COL18A1: variants seen among roughly 807,000 people sequenced by gnomAD.
COL18A1 encodes collagen alpha-1(XVIII) chain.
Under a neutral mutation model 168.0 loss-of-function variants are expected in COL18A1, and 133 were observed. The observed-to-expected ratio is 0.79, with a 90% CI of 0.69 to 0.91. COL18A1 has a LOEUF of 0.91. Among genes scored for constraint, COL18A1 ranks in the 40% least tolerant of loss-of-function variants. The pLI is 0.00. For missense variants in COL18A1, 2,126 were observed against 1,925.4 expected (o/e 1.10, Z -1.95); for synonymous variants, 949 against 809.0 (o/e 1.17, Z -2.94).
intron 2 of COL18A1, among the ~76,000 whole-genome samples, chr21:45,440,631 C>A (rs980009261): frequency 6.6e-6 from 1 of 151,016 alleles, no homozygotes; most frequent in African/African-American, 2.4e-5. Context: ...CCACGTTCCC[C>A]GGAAGCAGCT....
chr21:45,432,458 G>A (rs2033989493), intron 2 of COL18A1, among the ~76,000 whole-genome samples: 1 of 152,228 alleles, frequency 6.6e-6, no homozygotes, highest in South Asian at 2.1e-4. Context: ...GGGATGGACT[G>A]GGGTGCTCAG....
At chr21:45,440,011 A>C (rs2034326250) in intron 2 of COL18A1, among the ~76,000 whole-genome samples, 2 of 152,222 alleles carry the variant, frequency 1.3e-5, no homozygotes, top group South Asian at 4.1e-4. Flanking sequence ...CTGTGGGGCC[A>C]GCACCCAGAA....
chr21:45,420,322 G>T (rs2033581203), intron 2 of COL18A1: 1 of 152,298 alleles, frequency 6.6e-6, no homozygotes, highest in Non-Finnish European at 1.5e-5. Flanking sequence ...CACCAGCCTG[G>T]CAGGACGGGC....
chr21:45,511,151 G>A lies in COL18A1; in HGVS notation c.3734G>A (p.Gly1245Asp). 6.3e-7 allele frequency: 1 copy of A among 1,598,198 alleles called. No homozygotes were observed. The change falls in exon 41 of 42, where the codon GGC (glycine) becomes GAC (aspartate). Residue 1245 changes from glycine to aspartate, a missense_variant. Coordinates refer to ENST00000651438, the MANE Select transcript of COL18A1 (RefSeq NM_001379500.1). ...CCCAGCTGGGAGGCTCTGTTCTCAGGCTCTGAGGGTCCGCTGAAGCCCGGG... is the reference window on the plus strand; with the variant it reads ...CCCAGCTGGGAGGCTCTGTTCTCAGACTCTGAGGGTCCGCTGAAGCCCGGG... ...LFPSWEALFS[G>D]SEGPLKPGAR...
chr21:45,510,469 C>A (rs1033170458), intron 40 of COL18A1, among the ~76,000 whole-genome samples: 1 of 152,180 alleles, frequency 6.6e-6, no homozygotes, highest in African/African-American at 2.4e-5. Flanking sequence ...GGCACTGCCA[C>A]GTCCCCCAGG....
rs766576582 is a variant in COL18A1, at chr21:45,471,859, G to A, written c.652-2036G>A. 2.0e-5 allele frequency among the ~76,000 whole-genome samples: 3 copies of A among 152,228 alleles called. No homozygotes were observed. Among genetic ancestry groups the A allele is most frequent in the Non-Finnish European group, 1.5e-5 (1 of 68,014 alleles). ...TGTGAGCTCTGTTTCAGGTGTCTCC[G>A]GATTTCATAACTTTCAGTCCGAAGT... On this transcript the variant is annotated intron_variant, in intron 3 of 41. Coordinates refer to ENST00000651438, the MANE Select transcript of COL18A1 (RefSeq NM_001379500.1). This position sits in a 1 kb window ranked among gnomAD's most constrained non-coding sequence, Gnocchi z 4.4.
chr21:45,466,551 C>T (rs1221293772), intron 2 of COL18A1, among the ~76,000 whole-genome samples: 1 of 152,218 alleles, frequency 6.6e-6, no homozygotes, highest in African/African-American at 2.4e-5. Context: ...TCCAGGACAT[C>T]TGAGACAGCT....
At position 45,498,268 on chromosome 21, in the gene COL18A1, C is replaced by T; in HGVS notation, c.2683+607C>T. ...CAGAGCAGAAGCCCAGAGAGCCAGG[C>T]TAGCCTCGGGCGCCTTTCACCACCA... On this transcript the variant is annotated intron_variant, in intron 32 of 41. Coordinates refer to ENST00000651438, the MANE Select transcript of COL18A1 (RefSeq NM_001379500.1). The surrounding 1 kb of genome is among the most constrained non-coding windows in gnomAD (Gnocchi z 4.5). 1 of 706,546 alleles carries T rather than the reference C, an allele frequency of 1.4e-6. No homozygotes were observed. Among genetic ancestry groups the T allele is most frequent in the Non-Finnish European group, 2.6e-6 (1 of 384,714 alleles). The allele number at this position is 706,546 out of a possible 1,614,324, so 43.8% of individuals were successfully genotyped here.
chr21:45,510,393 C>T (rs9983050), intron 40 of COL18A1, 132 bp downstream of exon 40: 52 of 1,063,906 alleles, frequency 4.9e-5, no homozygotes, highest in Non-Finnish European at 6.6e-5. Flanking sequence ...CCTAGGCTGG[C>T]GACTTCAGGG....
At chr21:45,455,442 G>C in intron 2 of COL18A1, 1 of 1,563,968 alleles carries the variant, frequency 6.4e-7, no homozygotes, top group Non-Finnish European at 8.7e-7. Flanking sequence ...AGCCTGCACA[G>C]GGGAGGGCAG....
intron 15 of COL18A1, 31 bp from the exon 16 acceptor site, chr21:45,486,830 G>C: frequency 5.2e-6 from 8 of 1,527,702 alleles, no homozygotes; most frequent in Non-Finnish European, 7.0e-6. Flanking sequence ...GGCTGGGCTG[G>C]GTCCTGACAC....
At chr21:45,474,127 G>A (rs1000183639) in intron 4 of COL18A1, 146 bp downstream of exon 4, 1 of 645,618 alleles carries the variant, frequency 1.5e-6, no homozygotes, top group Non-Finnish European at 2.7e-6. Context: ...CTCTCCTGTA[G>A]CACCTCAGAG....
chr21:45,430,436 C>T (rs568566289), intron 2 of COL18A1, among the ~76,000 whole-genome samples: 7 of 152,214 alleles, frequency 4.6e-5, no homozygotes, highest in Admixed American at 1.3e-4. Flanking sequence ...GCCTGCCACC[C>T]GGGTCCTCTG....
In COL18A1 at chr21:45,504,006, TGCAGG is replaced by T; in HGVS notation, c.2684_2688del (p.Gly895ValfsTer4). On this transcript the variant is annotated splice_acceptor_variant and splice_polypyrimidine_tract_variant and coding_sequence_variant and intron_variant, in exon 33 of 42. Coordinates refer to ENST00000651438, the MANE Select transcript of COL18A1 (RefSeq NM_001379500.1). LOFTEE classifies it high-confidence loss of function. Reference sequence around the variant, plus strand: ...AGCGAGACCCCGCCTGTCTCTCTCTTGCAGGGCAGTTTCCGTTTGACTTTCTTCAG... The same window carrying T: ...AGCGAGACCCCGCCTGTCTCTCTCTTGCAGTTTCCGTTTGACTTTCTTCAG... 1 of 1,613,478 alleles carries T rather than the reference TGCAGG, an allele frequency of 6.2e-7. No individual in the cohort carries two copies. Among genetic ancestry groups the T allele is most frequent in the Non-Finnish European group, 8.5e-7 (1 of 1,179,974 alleles).
intron 2 of COL18A1, chr21:45,456,937 G>A: frequency 7.5e-7 from 1 of 1,330,920 alleles, no homozygotes; most frequent in East Asian, 2.9e-5. Context: ...CCAGGTAAGT[G>A]TGGGCGGGGC....
chr21:45,476,206 C>A (rs796352050), intron 5 of COL18A1, 145 bp from the exon 6 acceptor site: 5 of 1,235,968 alleles, frequency 4.0e-6, no homozygotes, highest in Non-Finnish European at 5.6e-6. Flanking sequence ...AAGCCCCTCG[C>A]GCACGGCCCT....
rs985492359 is a variant in COL18A1, at chr21:45,491,298, A to G, written c.2141A>G (p.Tyr714Cys). The G allele has an allele frequency of 1.6e-5, 26 of 1,611,740 alleles. No individual in the cohort carries two copies. Among genetic ancestry groups the G allele is most frequent in the African/African-American group, 4.0e-5 (3 of 74,852 alleles). The stretch of plus-strand genomic sequence containing the variant: ...CCCGGACCCCCGGGACCTGTGGTCT[A>G]CGTGTCGGAGCAGGACGTAAGGACG... ...GPPGPPGPVV[Y>C]VSEQDGSVLS... is the part of the protein sequence containing the mutation. Residue 714 changes from tyrosine to cysteine, a missense_variant, in exon 22 of 42, where the codon TAC becomes TGC. Physicochemically the swap from Tyr to Cys is radical, Grantham distance 194. Transcript: ENST00000651438.
chr21:45,432,124 T>A (rs2033980311), intron 2 of COL18A1, among the ~76,000 whole-genome samples: 1 of 152,060 alleles, frequency 6.6e-6, no homozygotes, highest in Non-Finnish European at 1.5e-5. Flanking sequence ...AGGTTGGAGA[T>A]AAGGAAAGTT....
At chr21:45,436,052 T>A (rs1222320155) in intron 2 of COL18A1, among the ~76,000 whole-genome samples, 1 of 152,212 alleles carries the variant, frequency 6.6e-6, no homozygotes, top group African/African-American at 2.4e-5. Flanking sequence ...CAGGCTCATC[T>A]TCTGGGTGCG....
Sources: gnomAD v4.1 joint callset for allele counts (sites outside exome capture counted in the v4.1 genomes callset) on GRCh38, gnomAD v4.1.1 for gene constraint, Gnocchi (gnomAD v3.1) non-coding constraint, MANE v1.5 for transcripts, NCBI Gene and HGNC (gene_info 2026-07-23, HGNC 2026-07-21) for gene names.